The following GALNT17 variants were observed in gnomAD, a reference collection of about 807,000 sequenced individuals.
GALNT17 encodes the protein UDP-GalNAc:polypeptide N-acetylgalactosaminyltransferase-like 3.
A neutral mutation model predicts 63.7 loss-of-function variants in GALNT17; 29 were observed. That is an observed-to-expected ratio of 0.46 (90% CI 0.34 to 0.62). GALNT17 has a LOEUF of 0.62. GALNT17 is among the 20% of genes least tolerant of loss of function. The probability of loss-of-function intolerance (pLI) is 0.01; values close to 1 mark genes in which losing one functional copy is unlikely to be tolerated. For missense variants in GALNT17, 603 were observed against 799.6 expected, an observed-to-expected ratio of 0.75 and a Z score of 2.97; for synonymous variants, 305 against 318.3, an observed-to-expected ratio of 0.96 and a Z score of 0.45.
chr7:71,381,359 T>C (rs1162042689), intron 2 of GALNT17, among the ~76,000 whole-genome samples: 2 of 152,196 alleles, frequency 1.3e-5, no homozygotes, highest in East Asian at 1.9e-4. Flanking sequence ...CTGATGGTAT[T>C]GATTTCTCTG....
rs1205719689 is a variant in GALNT17, at chr7:71,635,952, A to G, written c.1081-29459A>G. 2.6e-5 allele frequency among the ~76,000 whole-genome samples: 4 copies of G among 152,284 alleles called. No individual in the cohort carries two copies. In the East Asian group the frequency reaches 7.7e-4, roughly 29 times the overall value. The stretch of plus-strand genomic sequence containing the variant: ...TTTACTGCAGCCTGTTTTATCAGCA[A>G]GGTCTTCATGACCTGTATCTTGTGC... On this transcript the variant is annotated intron_variant, in intron 6 of 10. Coordinates refer to ENST00000333538, the MANE Select transcript of GALNT17 (RefSeq NM_022479.3).
intron 1 of GALNT17, among the ~76,000 whole-genome samples, chr7:71,321,921 TCCCCTCCCTCCCTC>T (rs1791620589): frequency 7.8e-4 from 25 of 32,192 alleles, no homozygotes; most frequent in Admixed American, 1.7e-3. Flanking sequence ...CTTCCTTCCT[TCCCCTCCCTCCCTC>T]CCTCCCTCCC....
chr7:71,376,870 G>A (rs1421729447), intron 2 of GALNT17, among the ~76,000 whole-genome samples: 1 of 151,386 alleles, frequency 6.6e-6, no homozygotes, highest in Non-Finnish European at 1.5e-5. Flanking sequence ...TGGATCAGTT[G>A]AGGTCAGGAG....
intron 5 of GALNT17, among the ~76,000 whole-genome samples, chr7:71,539,670 A>T (rs542164583): frequency 8.2e-5 from 12 of 145,572 alleles, no homozygotes; most frequent in Non-Finnish European, 1.6e-4. Context: ...TCAGAGACAC[A>T]TATGGACACA....
chr7:71,694,068 C>CA (rs1350428559), intron 9 of GALNT17, among the ~76,000 whole-genome samples: 1 of 152,096 alleles, frequency 6.6e-6, no homozygotes, highest in Non-Finnish European at 1.5e-5. Flanking sequence ...GGAGGCCTCA[C>CA]AATCACGGTG....
At chr7:71,369,197 A>G (rs143174823) in intron 2 of GALNT17, among the ~76,000 whole-genome samples, 68 of 152,346 alleles carry the variant, frequency 4.5e-4, no homozygotes, top group African/African-American at 1.6e-3. Context: ...TGATTAATGT[A>G]TTAAACCAAT....
intron 6 of GALNT17, among the ~76,000 whole-genome samples, chr7:71,664,964 T>G (rs907261024): frequency 2.6e-5 from 4 of 151,760 alleles, no homozygotes; most frequent in African/African-American, 9.7e-5. Flanking sequence ...GAACTCTCAT[T>G]GGCATTATTT....
At chr7:71,240,875 A>G (rs6960630) in intron 1 of GALNT17, among the ~76,000 whole-genome samples, 69,360 of 151,700 alleles carry the variant, frequency 0.46, 16,518 homozygotes, top group East Asian at 0.81. Context: ...CGTGTTAGCC[A>G]GGATGGTCTC....
intron 1 of GALNT17, among the ~76,000 whole-genome samples, chr7:71,208,208 A>G (rs1404141343): frequency 6.6e-6 from 1 of 151,894 alleles, no homozygotes; most frequent in African/African-American, 2.4e-5. Context: ...AATTGCTGGG[A>G]TTACAGTCAT....
intron 5 of GALNT17, among the ~76,000 whole-genome samples, chr7:71,556,000 G>A (rs1433697367): frequency 2.0e-5 from 3 of 152,202 alleles, no homozygotes; most frequent in Non-Finnish European, 4.4e-5. Context: ...TCTCAGCTCT[G>A]ACAGTCTTCC....
chr7:71,475,456 G>T (rs144122389), intron 5 of GALNT17, among the ~76,000 whole-genome samples: 1 of 152,060 alleles, frequency 6.6e-6, no homozygotes, highest in Non-Finnish European at 1.5e-5. Context: ...TAGATCCCTC[G>T]CATGCACAGT....
At chr7:71,706,244 G>C (rs1026557945) in intron 9 of GALNT17, among the ~76,000 whole-genome samples, 27 of 152,174 alleles carry the variant, frequency 1.8e-4, no homozygotes, top group African/African-American at 6.0e-4. Flanking sequence ...ATCCCACTCA[G>C]GGGCCCTCCT....
In GALNT17 at chr7:71,517,564, T is replaced by C. The variant is rs570349248; in HGVS notation, c.963-53721T>C. On this transcript the variant is annotated intron_variant, in intron 5 of 10. Transcript: ENST00000333538. ...CTTTGGAGTGTCCTTCTAGCCAGCA[T>C]TTTTTAAATTTAATTTGCAATCATA... Among the ~76,000 whole-genome samples, 4 of 152,336 alleles carry C rather than the reference T, an allele frequency of 2.6e-5. No homozygotes were observed. In the South Asian group the frequency reaches 8.3e-4, roughly 32 times the overall value.
chr7:71,356,137 A>C (rs1792280945), intron 2 of GALNT17, among the ~76,000 whole-genome samples: 1 of 151,700 alleles, frequency 6.6e-6, no homozygotes, highest in African/African-American at 2.4e-5. Context: ...CCACCACATC[A>C]GGCTACTTTT....
intron 1 of GALNT17, among the ~76,000 whole-genome samples, chr7:71,182,780 C>T (rs371738700): frequency 1.3e-5 from 2 of 152,064 alleles, no homozygotes; most frequent in Non-Finnish European, 2.9e-5. Flanking sequence ...TCTGGGATTA[C>T]GTTATGCTCA....
chr7:71,670,144 G>A, intron 8 of GALNT17, 35 bp downstream of exon 8: 3 of 1,613,486 alleles, frequency 1.9e-6, no homozygotes, highest in Non-Finnish European at 2.5e-6. Context: ...GGCTTGGAAT[G>A]CTGTTCAATA....
At chr7:71,193,661 C>G (rs1361031006) in intron 1 of GALNT17, among the ~76,000 whole-genome samples, 1 of 151,936 alleles carries the variant, frequency 6.6e-6, no homozygotes, top group Non-Finnish European at 1.5e-5. Flanking sequence ...TGATTCTCTC[C>G]TGGGGGGAAG....
At chr7:71,258,765 A>G (rs1344896358) in intron 1 of GALNT17, among the ~76,000 whole-genome samples, 1 of 152,214 alleles carries the variant, frequency 6.6e-6, no homozygotes, top group Non-Finnish European at 1.5e-5. Context: ...TCAGGAATGT[A>G]TCACAGAAAC....
chr7:71,319,094 T>TTTTCTTTCTTTCTTTC lies in GALNT17; in HGVS notation c.239-16455_239-16454insTTCTTTCTTTCTTTCT, dbSNP rs372024382. 8.9e-4 allele frequency among the ~76,000 whole-genome samples: 44 copies of TTTTCTTTCTTTCTTTC among 49,238 alleles called. 1 individual carries two copies. The highest frequency in any genetic ancestry group is 2.3e-3 in the South Asian group (3 of 1,332). The allele number at this position is 49,238 out of a possible 152,430, so 32.3% of individuals were successfully genotyped here. A position where few individuals can be genotyped will look rare whatever the true frequency, so the allele number is the denominator to read the frequency against. The stretch of plus-strand genomic sequence containing the variant: ...CCTCAGCTTGCTGAGCTATTTTTGT[T>TTTTCTTTCTTTCTTTC]TATCTTTCTTTCTTTCTTTCTTTCT... On this transcript the variant is annotated intron_variant, in intron 1 of 10. Transcript: ENST00000333538.
Sources: allele counts gnomAD v4.1 joint callset (sites outside exome capture counted in the v4.1 genomes callset), GRCh38; gene constraint gnomAD v4.1.1; transcripts MANE v1.5; gene names NCBI Gene and HGNC (gene_info 2026-07-23, HGNC 2026-07-21).